The following FHIP2A variants were observed in gnomAD, a reference collection of about 807,000 sequenced individuals.
FHIP2A encodes the protein FHF complex subunit HOOK interacting protein 2A.
FHIP2A carries 46 observed loss-of-function variants against 93.5 expected under a neutral mutation model. The observed-to-expected ratio is 0.49, with a 90% confidence interval of 0.39 to 0.63. The LOEUF (loss-of-function observed/expected upper bound fraction) is 0.63, where lower values mean the gene tolerates loss of function less well. FHIP2A is among the 20% of genes least tolerant of loss of function. The pLI is 0.00. For synonymous variants in FHIP2A, 332 were observed against 326.5 expected, an observed-to-expected ratio of 1.02 and a Z score of -0.18; for missense variants, 769 against 909.7, an observed-to-expected ratio of 0.85 and a Z score of 1.99.
chr10:114,844,044 C>A, intron 7 of FHIP2A, 107 bp downstream of exon 7: 1 of 749,396 alleles, frequency 1.3e-6, no homozygotes, highest in Non-Finnish European at 2.1e-6. Context: ...AATTGAACAC[C>A]ACTAGTGATC....
At chr10:114,872,355 T>C (rs1008013051) in intron 16 of FHIP2A, among the ~76,000 whole-genome samples, 7 of 152,208 alleles carry the variant, frequency 4.6e-5, no homozygotes, top group Admixed American at 2.0e-4. Flanking sequence ...ATGCGTTTTC[T>C]CATAAGAGTC....
chr10:114,882,702 G>A (rs766588202), intron 16 of FHIP2A, among the ~76,000 whole-genome samples: 7 of 151,962 alleles, frequency 4.6e-5, no homozygotes, highest in Admixed American at 2.6e-4. Flanking sequence ...GTGAAACCCC[G>A]TCTCTACTAA....
chr10:114,856,828 T>C (rs1044319734), intron 14 of FHIP2A, among the ~76,000 whole-genome samples: 1 of 152,330 alleles, frequency 6.6e-6, no homozygotes, highest in African/African-American at 2.4e-5. Flanking sequence ...CCTGTAACCG[T>C]GTATCATAGG....
intron 1 of FHIP2A, among the ~76,000 whole-genome samples, chr10:114,823,622 G>GT (rs1338641011): frequency 1.3e-5 from 2 of 151,024 alleles, no homozygotes; most frequent in African/African-American, 4.9e-5. Flanking sequence ...AGCCTCCCTA[G>GT]TAGCTGGGAT....
Position 114,862,869 on chromosome 10 carries a change from A to G in FHIP2A, c.*1329A>G. ...CAGGCTATCAAAGGTTCCGGCTTGA[A>G]GGGAACTGTCACTACCCCCTCTAGG... On this transcript the variant is annotated 3_prime_UTR_variant, in exon 17 of 17. Transcript: ENST00000369248. 2.0e-6 allele frequency: 2 copies of G among 985,472 alleles called. No individual in the cohort carries two copies. Among genetic ancestry groups the G allele is most frequent in the Non-Finnish European group, 2.4e-6 (2 of 829,934 alleles). 61.0% of individuals were successfully genotyped at this position (985,472 alleles called of 1,614,324 possible).
intron 16 of FHIP2A, among the ~76,000 whole-genome samples, chr10:114,873,373 C>G (rs1320942600): frequency 6.6e-6 from 1 of 152,170 alleles, no homozygotes; most frequent in Non-Finnish European, 1.5e-5. Context: ...AGAGTACACA[C>G]TGTCAGCATG....
chr10:114,843,733 T>C lies in FHIP2A; in HGVS notation c.817-8T>C. Reference sequence around the variant, plus strand: ...CAAGAATTGAAGGGGGATTTTTTTTTCCTTTAGGATGGCAGAATAGCTGTG... The same window carrying C: ...CAAGAATTGAAGGGGGATTTTTTTTCCCTTTAGGATGGCAGAATAGCTGTG... On this transcript the variant is annotated splice_polypyrimidine_tract_variant and splice_region_variant and intron_variant, in intron 6 of 16. Coordinates refer to ENST00000369248, the MANE Select transcript of FHIP2A (RefSeq NM_020940.4). 1.0e-5 allele frequency: 15 copies of C among 1,498,684 alleles called. No individual in the cohort carries two copies. Among genetic ancestry groups the C allele is most frequent in the Non-Finnish European group, 1.3e-5 (15 of 1,127,136 alleles). The allele number at this position is 1,498,684 out of a possible 1,614,324, so 92.8% of individuals were successfully genotyped here.
intron 12 of FHIP2A, among the ~76,000 whole-genome samples, chr10:114,848,063 T>C (rs1380675182): frequency 6.6e-6 from 1 of 152,250 alleles, no homozygotes. Flanking sequence ...ACATGTGTGC[T>C]AAGTGTTGGG....
intron 14 of FHIP2A, among the ~76,000 whole-genome samples, chr10:114,859,627 T>C (rs1297817321): frequency 1.3e-5 from 2 of 152,240 alleles, no homozygotes; most frequent in East Asian, 1.9e-4. Flanking sequence ...GAGAAGTTTC[T>C]ATTGAAAGTT....
At chr10:114,875,138 G>A (rs1450384989) in intron 16 of FHIP2A, among the ~76,000 whole-genome samples, 1 of 152,182 alleles carries the variant, frequency 6.6e-6, no homozygotes, top group African/African-American at 2.4e-5. Context: ...CCCTGGATGG[G>A]CTCAGTTCCG....
intron 1 of FHIP2A, among the ~76,000 whole-genome samples, chr10:114,830,329 G>A (rs1423926397): frequency 7.0e-6 from 1 of 142,024 alleles, no homozygotes; most frequent in African/African-American, 2.7e-5. Context: ...CTGGAGTGCA[G>A]TGGCGCAATC....
At chr10:114,887,442 C>T (rs879702255) in intron 16 of FHIP2A, among the ~76,000 whole-genome samples, 1 of 152,186 alleles carries the variant, frequency 6.6e-6, no homozygotes, top group African/African-American at 2.4e-5. Flanking sequence ...TACAAAAACC[C>T]TATGAGGGAG....
At chr10:114,847,334 G>A (rs541864305) in intron 12 of FHIP2A, 101 bp downstream of exon 12, 6 of 1,081,132 alleles carry the variant, frequency 5.5e-6, no homozygotes, top group East Asian at 2.7e-5. Flanking sequence ...TGTTGCCCAC[G>A]CTGGAGTGCA....
intron 5 of FHIP2A, among the ~76,000 whole-genome samples, chr10:114,841,237 G>A (rs1342319887): frequency 6.7e-6 from 1 of 149,676 alleles, no homozygotes; most frequent in East Asian, 2.0e-4. Flanking sequence ...AATATTACTA[G>A]TATTTTAAAT....
intron 10 of FHIP2A, 33 bp downstream of exon 10, chr10:114,846,400 G>T: frequency 6.4e-7 from 1 of 1,560,668 alleles, no homozygotes; most frequent in South Asian, 1.1e-5. Context: ...ATTGGACTTA[G>T]ATTCTTTGAA....
intron 1 of FHIP2A, among the ~76,000 whole-genome samples, chr10:114,822,830 A>T (rs527747217): frequency 1.5e-4 from 23 of 152,284 alleles, no homozygotes; most frequent in African/African-American, 5.3e-4. Context: ...TTTCTTGTCT[A>T]GTTCTCTTCC....
chr10:114,891,572 T>TGTGTGTGC (rs764864142), intron 16 of FHIP2A, among the ~76,000 whole-genome samples: 1 of 143,824 alleles, frequency 7.0e-6, no homozygotes, highest in African/African-American at 2.6e-5. Context: ...TGTGTGTGTG[T>TGTGTGTGC]GCACGCGTAT....
intron 12 of FHIP2A, among the ~76,000 whole-genome samples, chr10:114,847,536 G>A (rs991446169): frequency 3.3e-5 from 5 of 152,046 alleles, no homozygotes; most frequent in East Asian, 1.9e-4. Context: ...TGATCGGCCC[G>A]CCTCGGCCTC....
chr10:114,881,963 C>T (rs992089103), intron 16 of FHIP2A, among the ~76,000 whole-genome samples: 9 of 152,152 alleles, frequency 5.9e-5, no homozygotes, highest in Non-Finnish European at 5.9e-5. Context: ...TGTCTGTGTG[C>T]GTGTCTGTAT....
Sources: allele counts gnomAD v4.1 joint callset (sites outside exome capture counted in the v4.1 genomes callset), GRCh38; gene constraint gnomAD v4.1.1; transcripts MANE v1.5; gene names NCBI Gene and HGNC (gene_info 2026-07-23, HGNC 2026-07-21).